Variants in CPA6 observed in about 807,000 individuals in gnomAD.
CPA6 encodes the protein carboxypeptidase B.
CPA6 carries 58 observed loss-of-function variants against 63.3 expected under a neutral mutation model. The ratio of observed to expected loss-of-function variants is 0.92; its 90% CI spans 0.74 to 1.14. The LOEUF (loss-of-function observed/expected upper bound fraction) is 1.14. CPA6 is among the 50% of genes most tolerant of loss of function. CPA6 has a pLI of 0.00. For synonymous variants in CPA6, 185 were observed against 179.0 expected, an observed-to-expected ratio of 1.03 and a Z score of -0.27; for missense variants, 565 against 526.6, an observed-to-expected ratio of 1.07 and a Z score of -0.71.
chr8:67,698,742 C>T (rs766790942), intron 1 of CPA6, among the ~76,000 whole-genome samples: 2 of 152,202 alleles, frequency 1.3e-5, no homozygotes, highest in African/African-American at 2.4e-5. Flanking sequence ...CTTTTTGTCA[C>T]ATAGGGCCTA....
At chr8:67,513,683 A>G (rs1377928974) in intron 3 of CPA6, among the ~76,000 whole-genome samples, 1 of 152,158 alleles carries the variant, frequency 6.6e-6, no homozygotes, top group Non-Finnish European at 1.5e-5. Context: ...AAATTAAAAA[A>G]TAATTGTGAC....
At chr8:67,503,486 T>G (rs1162285712) in intron 6 of CPA6, among the ~76,000 whole-genome samples, 3 of 148,056 alleles carry the variant, frequency 2.0e-5, no homozygotes, top group African/African-American at 7.8e-5. Flanking sequence ...TTTTTTTTTT[T>G]TTGTAGAGAC....
In CPA6 at chr8:67,428,027, A is replaced by G; in HGVS notation, c.1126+20T>C. 1 of 1,530,830 alleles carries G rather than the reference A, an allele frequency of 6.5e-7. No individual in the cohort carries two copies. Among genetic ancestry groups the G allele is most frequent in the Non-Finnish European group, 9.0e-7 (1 of 1,105,608 alleles). The allele number at this position is 1,530,830 out of a possible 1,614,324, so 94.8% of individuals were successfully genotyped here. On this transcript the variant is annotated intron_variant, in intron 10 of 10. Coordinates refer to ENST00000297770, the MANE Select transcript of CPA6 (RefSeq NM_020361.5). Reference sequence around the variant, plus strand: ...GGTTCAAGAGAGAGGATTCTAACACAATGTACGCAGGAAACTTACACAACG... The same window carrying G: ...GGTTCAAGAGAGAGGATTCTAACACGATGTACGCAGGAAACTTACACAACG...
At chr8:67,444,792 A>G (rs1354719932) in intron 8 of CPA6, among the ~76,000 whole-genome samples, 1 of 151,874 alleles carries the variant, frequency 6.6e-6, no homozygotes, top group African/African-American at 2.4e-5. Context: ...AAAAAAGTAA[A>G]ATCACTCAAA....
intron 2 of CPA6, among the ~76,000 whole-genome samples, chr8:67,586,910 G>C (rs1813953948): frequency 1.3e-5 from 2 of 152,304 alleles, no homozygotes; most frequent in South Asian, 2.1e-4. Context: ...AGAATTTTTA[G>C]AGAACCATGT....
rs550947812 is a variant in CPA6, at chr8:67,603,522, T to A, written c.192+20654A>T. On this transcript the variant is annotated intron_variant, in intron 2 of 10. Coordinates refer to ENST00000297770, the MANE Select transcript of CPA6 (RefSeq NM_020361.5). ...GTTTAAAATGGCTAAGTGGAACTCA[T>A]AGTCCCTAAAGCATGTCCATAGATT... is the stretch of plus-strand genomic sequence containing the variant. 1.3e-3 allele frequency among the ~76,000 whole-genome samples: 191 copies of A among 152,332 alleles called. 1 individual carries two copies. The highest frequency in any genetic ancestry group is 4.5e-3 in the African/African-American group (188 of 41,574).
chr8:67,447,596 T>C (rs1261949090), intron 8 of CPA6, among the ~76,000 whole-genome samples: 1 of 150,502 alleles, frequency 6.6e-6, no homozygotes, highest in Non-Finnish European at 1.5e-5. Flanking sequence ...AAATTTAAAG[T>C]TATAAAAGGA....
chr8:67,439,993 A>T (rs528574771), intron 8 of CPA6, among the ~76,000 whole-genome samples: 34 of 152,190 alleles, frequency 2.2e-4, no homozygotes, highest in Non-Finnish European at 4.3e-4. Context: ...GATATTCCAG[A>T]TGTCTACTTT....
chr8:67,584,538 C>A (rs555289859), intron 2 of CPA6, among the ~76,000 whole-genome samples: 1 of 152,190 alleles, frequency 6.6e-6, no homozygotes, highest in East Asian at 1.9e-4. Flanking sequence ...TGTGTTAGAG[C>A]ACAGATTGCT....
intron 6 of CPA6, among the ~76,000 whole-genome samples, chr8:67,498,884 A>C (rs1193152963): frequency 6.6e-6 from 1 of 152,234 alleles, no homozygotes; most frequent in East Asian, 1.9e-4. Context: ...TACTGCAAAC[A>C]GAAAGGTGAT....
intron 6 of CPA6, among the ~76,000 whole-genome samples, chr8:67,489,174 G>C (rs1283758918): frequency 6.6e-6 from 1 of 151,794 alleles, no homozygotes; most frequent in East Asian, 1.9e-4. Flanking sequence ...TCAGACTCCA[G>C]GGCTCAAGCA....
intron 1 of CPA6, among the ~76,000 whole-genome samples, chr8:67,706,448 T>C (rs560109348): frequency 4.5e-4 from 69 of 152,106 alleles, no homozygotes; most frequent in Middle Eastern, 3.4e-3. Context: ...ATGAAAGGCA[T>C]GTGAAGAAAG....
At chr8:67,452,689 T>G (rs1810581472) in intron 8 of CPA6, 1 of 152,180 alleles carries the variant, frequency 6.6e-6, no homozygotes, top group African/African-American at 2.4e-5. Flanking sequence ...AAAGCGAGAA[T>G]TCTACTGTGT....
chr8:67,652,432 A>C (rs1815869715), intron 1 of CPA6, among the ~76,000 whole-genome samples: 1 of 152,024 alleles, frequency 6.6e-6, no homozygotes, highest in Non-Finnish European at 1.5e-5. Context: ...AATGATTGCC[A>C]TTCTAACTGG....
chr8:67,640,194 C>A (rs181827083), intron 1 of CPA6, among the ~76,000 whole-genome samples: 3 of 151,542 alleles, frequency 2.0e-5, no homozygotes, highest in African/African-American at 7.3e-5. Flanking sequence ...TCGGCTCCCC[C>A]CAGCTTGGAG....
chr8:67,482,694 A>G (rs1040238594), intron 8 of CPA6, among the ~76,000 whole-genome samples: 15 of 152,198 alleles, frequency 9.9e-5, no homozygotes, highest in African/African-American at 2.7e-4. Context: ...CATTTCACAT[A>G]TATAAATTCC....
Position 67,607,178 on chromosome 8 carries a change from T to C in CPA6, c.192+16998A>G, listed in dbSNP as rs200056565. On this transcript the variant is annotated intron_variant, in intron 2 of 10. Coordinates refer to ENST00000297770, the MANE Select transcript of CPA6 (RefSeq NM_020361.5). ...CCTCTTCTTCTTCTTCCTCTTCTTC[T>C]TCTTCTTCTTCTTCTTCTTCTTCTT... Among the ~76,000 whole-genome samples, 43 of 11,166 alleles carry C rather than the reference T, an allele frequency of 3.9e-3. 4 individuals are homozygous for C. The highest frequency in any genetic ancestry group is 0.016 in the South Asian group (2 of 122). The allele number at this position is 11,166 out of a possible 152,430, so 7.3% of individuals were successfully genotyped here.
chr8:67,665,562 G>T (rs1379239697), intron 1 of CPA6, among the ~76,000 whole-genome samples: 1 of 152,176 alleles, frequency 6.6e-6, no homozygotes, highest in Admixed American at 6.5e-5. Context: ...CATGGCTAAA[G>T]AATACAGTCC....
intron 1 of CPA6, among the ~76,000 whole-genome samples, chr8:67,634,913 G>A (rs1024784047): frequency 6.6e-6 from 1 of 150,840 alleles, no homozygotes; most frequent in Non-Finnish European, 1.5e-5. Context: ...TTTTAGAAAT[G>A]GTCTCACTCT....
Sources: allele counts gnomAD v4.1 joint callset (sites outside exome capture counted in the v4.1 genomes callset), GRCh38; gene constraint gnomAD v4.1.1; transcripts MANE v1.5; gene names NCBI Gene and HGNC (gene_info 2026-07-23, HGNC 2026-07-21).